Variants in DNER observed in about 807,000 individuals in gnomAD.
DNER encodes the protein delta/notch like EGF repeat containing.
DNER carries 33 observed loss-of-function variants against 78.2 expected under a neutral mutation model. That is an observed-to-expected ratio of 0.42 (90% CI 0.32 to 0.56). DNER has a LOEUF of 0.56. Among genes scored for constraint, DNER ranks in the 20% least tolerant of loss-of-function variants. DNER has a pLI of 0.11. For missense variants in DNER, 918 were observed against 975.3 expected (o/e 0.94, Z 0.78); for synonymous variants, 417 against 384.8 (o/e 1.08, Z -0.98).
chr2:229,546,884 T>C (rs1157882227), intron 5 of DNER, 63 bp downstream of exon 5: 9 of 1,602,792 alleles, frequency 5.6e-6, no homozygotes, highest in Non-Finnish European at 6.8e-6. Flanking sequence ...CATACTTATG[T>C]ATTTATTCAG....
intron 1 of DNER, among the ~76,000 whole-genome samples, chr2:229,696,176 C>G (rs1442463209): frequency 6.6e-6 from 1 of 152,168 alleles, no homozygotes; most frequent in Non-Finnish European, 1.5e-5. Context: ...GGGGGTCCCA[C>G]CCCCAGCCCA....
At chr2:229,579,760 TG>T (rs1266058182) in intron 4 of DNER, among the ~76,000 whole-genome samples, 2 of 151,740 alleles carry the variant, frequency 1.3e-5, no homozygotes, top group Admixed American at 6.6e-5. Context: ...ATTAGTTGGC[TG>T]GGTATTGAGA....
chr2:229,594,777 G>T (rs1697675535), intron 1 of DNER, among the ~76,000 whole-genome samples: 1 of 151,990 alleles, frequency 6.6e-6, no homozygotes, highest in Non-Finnish European at 1.5e-5. Context: ...AAGGCAGAAG[G>T]TAAGGGTTAT....
intron 1 of DNER, among the ~76,000 whole-genome samples, chr2:229,609,838 A>C (rs2154215134): frequency 1.3e-5 from 2 of 152,298 alleles, no homozygotes; most frequent in Non-Finnish European, 2.9e-5. Context: ...ATAATTGTGG[A>C]GCTCTCCCAA....
rs1460373464 is a variant in DNER, at chr2:229,689,412, T to C, written c.276+24736A>G. Among the ~76,000 whole-genome samples the C allele has an allele frequency of 2.6e-5, 4 of 152,358 alleles. No homozygotes were observed. The South Asian group carries it at 6.2e-4, about 24-fold the overall frequency. On this transcript the variant is annotated intron_variant, in intron 1 of 12. Transcript: ENST00000341772. ...AAACATGCAAAGTTTAAAACCATTT[T>C]AAAATGTGTTTCTGCACACAATTTA... is the stretch of plus-strand genomic sequence containing the variant.
chr2:229,475,539 C>A (rs1412134593), intron 7 of DNER, among the ~76,000 whole-genome samples: 1 of 152,228 alleles, frequency 6.6e-6, no homozygotes, highest in Admixed American at 6.5e-5. Flanking sequence ...TCTGTGTGTG[C>A]ACTACTGGAG....
At chr2:229,551,708 C>T (rs986769953) in intron 4 of DNER, among the ~76,000 whole-genome samples, 1 of 151,246 alleles carries the variant, frequency 6.6e-6, no homozygotes, top group Non-Finnish European at 1.5e-5. Context: ...CAGAGGTGGG[C>T]AGATCACGAG....
intron 1 of DNER, among the ~76,000 whole-genome samples, chr2:229,699,478 A>G (rs201857442): frequency 6.6e-6 from 1 of 151,988 alleles, no homozygotes; most frequent in East Asian, 1.9e-4. Context: ...CGATTCTCCC[A>G]CCTCAGCCTC....
chr2:229,426,440 CAAAAAAA>C (rs58842918), intron 8 of DNER, among the ~76,000 whole-genome samples: 1 of 69,212 alleles, frequency 1.4e-5, no homozygotes, highest in Non-Finnish European at 2.7e-5. Flanking sequence ...GACTCCATCT[CAAAAAAA>C]AAAAAAAAAA....
chr2:229,703,008 G>A (rs1056288688), intron 1 of DNER, among the ~76,000 whole-genome samples: 4 of 151,488 alleles, frequency 2.6e-5, no homozygotes, highest in African/African-American at 9.7e-5. Flanking sequence ...ATATGTGCCT[G>A]GGAGAACTGC....
chr2:229,566,045 AAT>A (rs1323814623), intron 4 of DNER, among the ~76,000 whole-genome samples: 3 of 152,102 alleles, frequency 2.0e-5, no homozygotes, highest in Non-Finnish European at 2.9e-5. Flanking sequence ...CATTACTATG[AAT>A]GTCGAAATAA....
chr2:229,669,345 T>A (rs561104763), intron 1 of DNER, among the ~76,000 whole-genome samples: 4 of 150,278 alleles, frequency 2.7e-5, no homozygotes, highest in African/African-American at 9.9e-5. Context: ...CGCACATGTA[T>A]CCCAGAACTT....
intron 1 of DNER, among the ~76,000 whole-genome samples, chr2:229,665,893 C>G (rs1399420346): frequency 6.6e-6 from 1 of 152,186 alleles, no homozygotes; most frequent in Non-Finnish European, 1.5e-5. Context: ...GCAACCTCCT[C>G]TGCACTGATT....
At chr2:229,671,138 G>A (rs1452710305) in intron 1 of DNER, among the ~76,000 whole-genome samples, 1 of 152,200 alleles carries the variant, frequency 6.6e-6, no homozygotes, top group Non-Finnish European at 1.5e-5. Context: ...GACAACTTCA[G>A]CGGTTCCTGT....
intron 5 of DNER, among the ~76,000 whole-genome samples, chr2:229,541,866 T>C (rs1245911222): frequency 7.0e-6 from 1 of 143,062 alleles, no homozygotes; most frequent in Non-Finnish European, 1.5e-5. Flanking sequence ...TTATATATAA[T>C]TTATATTTAT....
intron 6 of DNER, among the ~76,000 whole-genome samples, chr2:229,500,606 C>T (rs377302794): frequency 3.3e-5 from 5 of 152,054 alleles, no homozygotes; most frequent in East Asian, 3.9e-4. Flanking sequence ...GCATTATTTA[C>T]GAATAGTCAA....
chr2:229,689,117 C>T (rs1699529394), intron 1 of DNER, among the ~76,000 whole-genome samples: 1 of 152,194 alleles, frequency 6.6e-6, no homozygotes, highest in Admixed American at 6.5e-5. Context: ...AACAAACCTG[C>T]ACACTGCACA....
chr2:229,500,732 G>A (rs1191702566), intron 6 of DNER, among the ~76,000 whole-genome samples: 2 of 151,680 alleles, frequency 1.3e-5, no homozygotes, highest in East Asian at 3.9e-4. Flanking sequence ...AGGTTTCGGG[G>A]GAACAGATTG....
chr2:229,601,998 CTT>C (rs68018420), intron 1 of DNER, among the ~76,000 whole-genome samples: 2 of 144,822 alleles, frequency 1.4e-5, no homozygotes, highest in African/African-American at 5.0e-5. Flanking sequence ...AAATGAAATG[CTT>C]TTTTTTTTTT....
Sources: allele counts gnomAD v4.1 joint callset (sites outside exome capture counted in the v4.1 genomes callset), GRCh38; gene constraint gnomAD v4.1.1; transcripts MANE v1.5; gene names NCBI Gene and HGNC (gene_info 2026-07-23, HGNC 2026-07-21).